TRPM3: variants seen among roughly 807,000 people sequenced by gnomAD.
TRPM3 encodes the protein transient receptor potential cation channel subfamily M member 3, also known as long transient receptor potential channel 3.
TRPM3 carries 77 observed loss-of-function variants against 181.2 expected under a neutral mutation model. That is an observed-to-expected ratio of 0.42 (90% CI 0.35 to 0.51). The LOEUF is 0.51. TRPM3 is among the 20% of genes least tolerant of loss of function. TRPM3 has a pLI of 0.01. For missense variants in TRPM3, 1,759 were observed against 2,196.7 expected, an observed-to-expected ratio of 0.80 and a Z score of 3.98; for synonymous variants, 745 against 796.4, an observed-to-expected ratio of 0.94 and a Z score of 1.09.
chr9:70,959,075 G>C (rs1479487906), intron 1 of TRPM3, among the ~76,000 whole-genome samples: 1 of 151,024 alleles, frequency 6.6e-6, no homozygotes, highest in Admixed American at 6.6e-5. Context: ...AATGGGTGCA[G>C]CACACCAGCA....
intron 22 of TRPM3, among the ~76,000 whole-genome samples, chr9:70,553,862 G>C (rs1380644712): frequency 6.6e-6 from 1 of 152,182 alleles, no homozygotes; most frequent in Admixed American, 6.5e-5. Flanking sequence ...ACAACACAGG[G>C]CAGTGCCTTG....
At chr9:71,248,429 C>G (rs73647982) in intron 1 of TRPM3, among the ~76,000 whole-genome samples, 2,849 of 152,226 alleles carry the variant, frequency 0.019, 97 homozygotes, top group African/African-American at 0.066. Context: ...CATGAAGGAA[C>G]ACACCAGGGG....
chr9:70,839,236 T>C (rs538219558), intron 5 of TRPM3, among the ~76,000 whole-genome samples: 98 of 152,290 alleles, frequency 6.4e-4, no homozygotes, highest in African/African-American at 2.2e-3. Flanking sequence ...TCATCAATAT[T>C]TACTGAGCAC....
chr9:71,166,218 C>G (rs2076533714), intron 1 of TRPM3, among the ~76,000 whole-genome samples: 1 of 152,068 alleles, frequency 6.6e-6, no homozygotes, highest in African/African-American at 2.4e-5. Context: ...GAGTCGGCAG[C>G]CACAGAAGTC....
chr9:71,315,701 CAA>C (rs1004328047), intron 1 of TRPM3, among the ~76,000 whole-genome samples: 2 of 151,972 alleles, frequency 1.3e-5, no homozygotes, highest in African/African-American at 4.8e-5. Context: ...TTAACTAAAA[CAA>C]AGAGGATATT....
At chr9:71,187,629 T>C (rs1013010968) in intron 1 of TRPM3, among the ~76,000 whole-genome samples, 1 of 151,980 alleles carries the variant, frequency 6.6e-6, no homozygotes, top group Non-Finnish European at 1.5e-5. Flanking sequence ...CAAAGGTTTA[T>C]TTTTATTTAA....
chr9:70,686,086 TTAATATATG>T (rs1369138032), intron 8 of TRPM3, among the ~76,000 whole-genome samples: 3 of 151,162 alleles, frequency 2.0e-5, no homozygotes, highest in Non-Finnish European at 4.4e-5. Flanking sequence ...TATACATGTA[TTAATATATG>T]TAATATATAC....
In TRPM3 at chr9:70,536,405, C is replaced by G. The variant is rs746389465; in HGVS notation, c.4708G>C (p.Ala1570Pro). 1.2e-6 allele frequency: 2 copies of G among 1,614,120 alleles called. No homozygotes were observed. The highest frequency in any genetic ancestry group is 1.7e-4 in the Middle Eastern group (1 of 6,060). Residue 1570 changes from alanine (A) to proline (P), a missense_variant, in exon 26 of 26, where the codon GCC becomes CCC. Physicochemically the swap from Ala to Pro is conservative, Grantham distance 27. Around this residue, in one of 8 missense-constraint regions of TRPM3, gnomAD observed 612 missense variants for 590.0 expected, o/e 1.04. Transcript: ENST00000677713. ...TDCIDTRCVN[A>P]PQAIADRAAF... ...GCTCTGTCCGCAATTGCTTGAGGGG[C>G]ATTGACACACCTTGTGTCAATACAG... is the stretch of plus-strand genomic sequence containing the variant.
chr9:71,137,126 C>T (rs1565265079), intron 1 of TRPM3, among the ~76,000 whole-genome samples: 1 of 152,152 alleles, frequency 6.6e-6, no homozygotes, highest in African/African-American at 2.4e-5. Context: ...AACCTCTAGA[C>T]ACTCCAAGGG....
intron 1 of TRPM3, among the ~76,000 whole-genome samples, chr9:71,422,594 C>T (rs1341567021): frequency 2.6e-5 from 4 of 151,954 alleles, no homozygotes; most frequent in Admixed American, 1.3e-4. Flanking sequence ...AATGATATAA[C>T]TTGATGGATC....
intron 1 of TRPM3, among the ~76,000 whole-genome samples, chr9:71,219,252 T>C (rs572937470): frequency 6.6e-6 from 1 of 152,296 alleles, no homozygotes; most frequent in Admixed American, 6.5e-5. Context: ...CAATTGCCAT[T>C]AAAAACTTTC....
At chr9:70,553,107 C>T in intron 23 of TRPM3, 53 bp downstream of exon 23, 1 of 1,613,476 alleles carries the variant, frequency 6.2e-7, no homozygotes, top group Non-Finnish European at 8.5e-7. Context: ...CATCGACTCC[C>T]CTTCACCCCT....
At chr9:71,352,862 G>C (rs2091717968) in intron 1 of TRPM3, among the ~76,000 whole-genome samples, 1 of 152,048 alleles carries the variant, frequency 6.6e-6, no homozygotes, top group African/African-American at 2.4e-5. Flanking sequence ...ATTTAACTCA[G>C]CTCTTTTCCT....
intron 1 of TRPM3, among the ~76,000 whole-genome samples, chr9:71,158,992 C>A (rs2076140742): frequency 6.6e-6 from 1 of 151,962 alleles, no homozygotes; most frequent in African/African-American, 2.4e-5. Flanking sequence ...TGCTCTGCGC[C>A]TCAGGCCCTC....
intron 3 of TRPM3, among the ~76,000 whole-genome samples, chr9:70,850,239 A>G (rs1432939448): frequency 6.6e-6 from 1 of 152,170 alleles, no homozygotes; most frequent in Non-Finnish European, 1.5e-5. Flanking sequence ...AAACTTTCAG[A>G]TATCTATCAA....
intron 1 of TRPM3, among the ~76,000 whole-genome samples, chr9:71,421,811 A>G (rs1199908753): frequency 6.6e-6 from 1 of 151,962 alleles, no homozygotes; most frequent in African/African-American, 2.4e-5. Flanking sequence ...AAACATAGCA[A>G]AACGTAGAAA....
At position 70,937,981 on chromosome 9, in the gene TRPM3, C is replaced by T. The variant is rs919588411; in HGVS notation, c.178-73470G>A. Among the ~76,000 whole-genome samples, 15 of 152,174 alleles carry T rather than the reference C, an allele frequency of 9.9e-5. 1 individual carries two copies. The highest frequency in any genetic ancestry group is 2.6e-4 in the Admixed American group (4 of 15,274). ...CTCTTTTGCCCCTCTCCTTTGAGAA[C>T]CGTGGTCTCCTATTACAGTTCCTCA... On this transcript the variant is annotated intron_variant, in intron 1 of 25. Transcript: ENST00000677713.
At chr9:71,197,818 G>T (rs1428629555) in intron 1 of TRPM3, among the ~76,000 whole-genome samples, 1 of 133,684 alleles carries the variant, frequency 7.5e-6, no homozygotes, top group Non-Finnish European at 1.6e-5. Context: ...CCATTCTTTA[G>T]GTTGCCTGTT....
At chr9:71,328,493 G>A (rs1308693065) in intron 1 of TRPM3, among the ~76,000 whole-genome samples, 1 of 152,132 alleles carries the variant, frequency 6.6e-6, no homozygotes, top group African/African-American at 2.4e-5. Context: ...CCCCACATAT[G>A]TGGAAGCTCA....
Sources: allele counts gnomAD v4.1 joint callset (sites outside exome capture counted in the v4.1 genomes callset), GRCh38; gene constraint gnomAD v4.1.1; regional missense constraint gnomAD v4.1.1; transcripts MANE v1.5; gene names NCBI Gene and HGNC (gene_info 2026-07-23, HGNC 2026-07-21).